The following STS variants were observed in gnomAD, a reference collection of about 807,000 sequenced individuals.
STS encodes the protein steroid sulfatase.
In STS, 7 loss-of-function variants were observed where a neutral mutation model predicts 26.8. The observed-to-expected ratio is 0.26, with a 90% CI of 0.15 to 0.49. The LOEUF is 0.49. STS is among the 20% of genes least tolerant of loss of function. STS has a pLI of 0.98. For missense variants in STS, 434 were observed against 465.6 expected (o/e 0.93, Z 0.63); for synonymous variants, 199 against 189.4 (o/e 1.05, Z -0.42).
At chrX:7,277,112 G>A (rs983924134) in intron 7 of STS, among the ~76,000 whole-genome samples, 18 of 111,281 alleles carry the variant, frequency 1.6e-4, no homozygotes, top group African/African-American at 4.9e-4. Context: ...CAGTCCACTC[G>A]GAACTTCTCA....
intron 2 of STS, among the ~76,000 whole-genome samples, chrX:7,234,166 C>A (rs780484815): frequency 8.9e-6 from 1 of 112,307 alleles, no homozygotes; most frequent in Non-Finnish European, 1.9e-5. Context: ...TGCTCTATGG[C>A]GTTTCATCCA....
chrX:7,269,237 G>T (rs1924155775), intron 6 of STS, among the ~76,000 whole-genome samples: 1 of 90,711 alleles, frequency 1.1e-5, no homozygotes, highest in Non-Finnish European at 2.2e-5. Flanking sequence ...AGGTACTGAG[G>T]GATGTTCGTC....
intron 1 of STS, among the ~76,000 whole-genome samples, chrX:7,168,319 G>A (rs943066224): frequency 2.7e-5 from 3 of 111,543 alleles, no homozygotes; most frequent in Admixed American, 9.5e-5. Flanking sequence ...TGGGGGAAAC[G>A]GATATGTAAG....
At chrX:7,169,079 T>C (rs1933409401) in intron 1 of STS, among the ~76,000 whole-genome samples, 1 of 111,534 alleles carries the variant, frequency 9.0e-6, no homozygotes, top group African/African-American at 3.3e-5. Context: ...TGTCTGGTTC[T>C]ACAACATTTT....
At chrX:7,271,655 A>G (rs1924274239) in intron 6 of STS, among the ~76,000 whole-genome samples, 1 of 110,154 alleles carries the variant, frequency 9.1e-6, no homozygotes, top group Non-Finnish European at 1.9e-5. Flanking sequence ...GACCAGGTCC[A>G]GTGGGCTCTC....
At chrX:7,167,487 A>T (rs748641004) in intron 1 of STS, among the ~76,000 whole-genome samples, 1 of 111,957 alleles carries the variant, frequency 8.9e-6, no homozygotes, top group Admixed American at 9.5e-5. Flanking sequence ...AAGTGCTGGG[A>T]TTACATGTGT....
chrX:7,203,082 C>G (rs370655764), intron 2 of STS, among the ~76,000 whole-genome samples: 107 of 111,035 alleles, frequency 9.6e-4, no homozygotes, highest in African/African-American at 3.5e-3. Flanking sequence ...CTCTTTCTCT[C>G]TCTTCAAGCT....
At chrX:7,275,473 A>G (rs1306366529) in intron 6 of STS, among the ~76,000 whole-genome samples, 1 of 111,649 alleles carries the variant, frequency 9.0e-6, no homozygotes, top group African/African-American at 3.3e-5. Context: ...ATATATTTGT[A>G]TAATTGTTTG....
At chrX:7,174,922 AGG>A (rs1331239017) in intron 1 of STS, among the ~76,000 whole-genome samples, 43 of 111,219 alleles carry the variant, frequency 3.9e-4, no homozygotes, top group Non-Finnish European at 6.8e-4. Context: ...TGATCTCATC[AGG>A]CCCACATCCA....
Position 7,285,420 on chromosome X carries a change from G to C in STS, c.943+9333G>C, listed in dbSNP as rs752605544. 6.2e-5 allele frequency among the ~76,000 whole-genome samples: 7 copies of C among 112,027 alleles called. No individual in the cohort carries two copies. The East Asian group carries it at 1.7e-3, about 27-fold the overall frequency. ...AGCCAAGAAATAACTAACTCAAAGAGAAAGATTGCAGAATTTTACTTCATG... is the reference window on the plus strand; with the variant it reads ...AGCCAAGAAATAACTAACTCAAAGACAAAGATTGCAGAATTTTACTTCATG... On this transcript the variant is annotated intron_variant, in intron 7 of 10. Coordinates refer to ENST00000674429, the MANE Select transcript of STS (RefSeq NM_001320752.2).
At chrX:7,260,086 A>G (rs1923666299) in intron 6 of STS, among the ~76,000 whole-genome samples, 1 of 111,977 alleles carries the variant, frequency 8.9e-6, no homozygotes, top group South Asian at 3.7e-4. Context: ...CGTGTTAGCC[A>G]GGATGGTCTC....
chrX:7,240,009 CGA>C (rs1175496498), intron 2 of STS, among the ~76,000 whole-genome samples: 1 of 108,370 alleles, frequency 9.2e-6, no homozygotes, highest in Non-Finnish European at 1.9e-5. Context: ...CTCAGCCTCC[CGA>C]GTAGCTGGGA....
At chrX:7,209,297 A>G (rs1179522740) in intron 2 of STS, among the ~76,000 whole-genome samples, 1 of 110,102 alleles carries the variant, frequency 9.1e-6, no homozygotes, top group Non-Finnish European at 1.9e-5. Context: ...GGAATTAAAA[A>G]CTGAATTGCA....
chrX:7,329,609 A>C (rs193250741), intron 9 of STS, among the ~76,000 whole-genome samples: 18 of 112,485 alleles, frequency 1.6e-4, no homozygotes, highest in Admixed American at 3.8e-4. Context: ...GAGATATTAA[A>C]TTTGCATTTC....
intron 2 of STS, among the ~76,000 whole-genome samples, chrX:7,242,410 G>A (rs1416703399): frequency 9.2e-6 from 1 of 108,357 alleles, no homozygotes; most frequent in Admixed American, 9.9e-5. Context: ...TAAGAACCCA[G>A]AAGGAGAGAC....
At chrX:7,232,898 G>A (rs149273324) in intron 2 of STS, among the ~76,000 whole-genome samples, 15 of 110,340 alleles carry the variant, frequency 1.4e-4, no homozygotes, top group African/African-American at 4.6e-4. Context: ...AAGATCTGAT[G>A]GTTTTATAAG....
intron 7 of STS, among the ~76,000 whole-genome samples, chrX:7,289,966 C>G (rs1925332731): frequency 9.0e-6 from 1 of 111,579 alleles, no homozygotes; most frequent in South Asian, 3.8e-4. Context: ...AGTTATGTCA[C>G]TTTTGCAAAG....
chrX:7,333,608 A>C (rs773778162), intron 9 of STS, among the ~76,000 whole-genome samples: 9 of 112,479 alleles, frequency 8.0e-5, no homozygotes, highest in Non-Finnish European at 1.5e-4. Flanking sequence ...CCCTTTGATC[A>C]GGCAATAGAC....
rs1274898984 is a variant in STS at position 7,354,284 on chromosome X, A to G, written c.*4023A>G. 1 of 111,188 alleles carries G rather than the reference A, an allele frequency of 9.0e-6. No homozygotes were observed. The allele number at this position is 111,188 out of a possible 1,213,427, so 9.2% of individuals were successfully genotyped here. A position where few individuals can be genotyped will look rare whatever the true frequency, so the allele number is the denominator to read the frequency against. ...CTGCCCCTGACCCTGTTCCCTGTCT[A>G]TAAATCCCCAGTTTTCCATGGTGTA... On this transcript the variant is annotated 3_prime_UTR_variant, in exon 11 of 11. Transcript: ENST00000674429.
Sources: allele counts gnomAD v4.1 joint callset (sites outside exome capture counted in the v4.1 genomes callset), GRCh38; gene constraint gnomAD v4.1.1; transcripts MANE v1.5; gene names NCBI Gene and HGNC (gene_info 2026-07-23, HGNC 2026-07-21).